Variants in ZNF410 observed in about 807,000 individuals in gnomAD.
The protein encoded by ZNF410 is zinc finger protein 410, also known as another partner for ARF 1.
In ZNF410, 18 loss-of-function variants were observed where a neutral mutation model predicts 54.8. That is an observed-to-expected ratio of 0.33 (90% CI 0.23 to 0.49). ZNF410 has a LOEUF of 0.49. Ranked by LOEUF, ZNF410 falls within the 20% of genes least tolerant of loss-of-function variation. ZNF410 has a pLI of 0.99. For synonymous variants in ZNF410, 191 were observed against 207.3 expected (o/e 0.92, Z 0.68); for missense variants, 405 against 569.6 (o/e 0.71, Z 2.94).
At chr14:73,900,492 G>C (rs1234155024) in intron 5 of ZNF410, among the ~76,000 whole-genome samples, 1 of 151,180 alleles carries the variant, frequency 6.6e-6, no homozygotes, top group Non-Finnish European at 1.5e-5. Context: ...CTCTGCCTCA[G>C]CCTCCCGAGT....
intron 3 of ZNF410, chr14:73,896,034 G>A (rs2055312032): frequency 2.5e-6 from 1 of 392,600 alleles, no homozygotes; most frequent in Non-Finnish European, 4.6e-6. Flanking sequence ...GCCTCAAAAA[G>A]GACTAAATTC....
chr14:73,917,078 T>C (rs1240465831), intron 8 of ZNF410, among the ~76,000 whole-genome samples: 1 of 152,262 alleles, frequency 6.6e-6, no homozygotes, highest in Non-Finnish European at 1.5e-5. Flanking sequence ...TGGTTCATGT[T>C]GATAATTCCA....
intron 11 of ZNF410, among the ~76,000 whole-genome samples, chr14:73,926,701 C>A (rs1226393429): frequency 1.3e-5 from 2 of 152,132 alleles, no homozygotes; most frequent in Middle Eastern, 3.4e-3. Flanking sequence ...TCCCAAAGTG[C>A]TGGGATTACA....
At chr14:73,909,840 A>G (rs931312605) in intron 8 of ZNF410, among the ~76,000 whole-genome samples, 11 of 152,252 alleles carry the variant, frequency 7.2e-5, no homozygotes, top group African/African-American at 2.4e-4. Context: ...CCTTCTGAGC[A>G]GGTGTTAGTG....
intron 1 of ZNF410, chr14:73,888,390 A>G (rs1364783959): frequency 1.3e-5 from 2 of 152,188 alleles, no homozygotes; most frequent in African/African-American, 2.4e-5. Flanking sequence ...AGTGTCATTC[A>G]TTCATTATAC....
chr14:73,902,369 G>A (rs947270769), intron 5 of ZNF410: 3 of 152,082 alleles, frequency 2.0e-5, no homozygotes, highest in Non-Finnish European at 4.4e-5. Flanking sequence ...CACTGCGCCT[G>A]GCCCTGATAT....
chr14:73,896,616 A>T, intron 4 of ZNF410, 82 bp downstream of exon 4: 1 of 1,059,878 alleles, frequency 9.4e-7, no homozygotes, highest in Non-Finnish European at 1.4e-6. Context: ...GTCATACTTA[A>T]AATAGAAAGA....
intron 11 of ZNF410, among the ~76,000 whole-genome samples, chr14:73,929,754 C>T (rs559730541): frequency 6.6e-5 from 10 of 151,676 alleles, no homozygotes; most frequent in African/African-American, 2.4e-4. Context: ...GAAGTTGAGG[C>T]TGTAGTGAGC....
intron 8 of ZNF410, among the ~76,000 whole-genome samples, chr14:73,912,760 A>G (rs2055604031): frequency 2.0e-5 from 3 of 152,172 alleles, no homozygotes; most frequent in Non-Finnish European, 4.4e-5. Context: ...TTCAAATGAA[A>G]TGTTTTCTTG....
At chr14:73,898,592 ATACT>A (rs2055358698) in intron 5 of ZNF410, 2 of 434,348 alleles carry the variant, frequency 4.6e-6, no homozygotes, top group African/African-American at 2.0e-5. Context: ...TAAACTTCAT[ATACT>A]TAGAGCTCTT....
chr14:73,887,695 T>C (rs1566647318), intron 1 of ZNF410, among the ~76,000 whole-genome samples: 2 of 152,116 alleles, frequency 1.3e-5, no homozygotes, highest in Admixed American at 6.5e-5. Context: ...AAGTCGGGCA[T>C]TTTGTTAGGG....
At position 73,918,766 on chromosome 14, in the gene ZNF410, T is replaced by C. The variant is rs1033760233; in HGVS notation, c.1004-2214T>C. The stretch of plus-strand genomic sequence containing the variant: ...CAGGCTGGAGTGCAGTGGCGTGATG[T>C]CGGCTCACTGCAAGCTCTGCCTCCT... On this transcript the variant is annotated intron_variant, in intron 8 of 11. Coordinates refer to ENST00000555044, the MANE Select transcript of ZNF410 (RefSeq NM_021188.3). Among the ~76,000 whole-genome samples the C allele has an allele frequency of 3.5e-5, 5 of 142,628 alleles. No individual in the cohort carries two copies. The Admixed American group carries it at 3.8e-4, about 11-fold the overall frequency. The allele number at this position is 142,628 out of a possible 152,430, so 93.6% of individuals were successfully genotyped here. A position where few individuals can be genotyped will look rare whatever the true frequency, so the allele number is the denominator to read the frequency against.
intron 1 of ZNF410, among the ~76,000 whole-genome samples, chr14:73,891,514 C>T (rs1356573737): frequency 1.3e-5 from 2 of 152,088 alleles, no homozygotes; most frequent in African/African-American, 4.8e-5. Context: ...CGACCATGCT[C>T]AGCTAATTTT....
chr14:73,889,977 A>G (rs2055202423), intron 1 of ZNF410, among the ~76,000 whole-genome samples: 1 of 151,546 alleles, frequency 6.6e-6, no homozygotes, highest in African/African-American at 2.4e-5. Context: ...TTTGTATTTT[A>G]GTTGAGACGG....
At chr14:73,893,737 A>G (rs767787126) in intron 2 of ZNF410, 60 bp from the exon 3 acceptor site, 2 of 1,531,174 alleles carry the variant, frequency 1.3e-6, no homozygotes, top group South Asian at 2.6e-5. Flanking sequence ...TGGTAAATTC[A>G]AAGGTTTAGA....
At chr14:73,896,704 T>G in intron 4 of ZNF410, 170 bp downstream of exon 4, 9 of 600,558 alleles carry the variant, frequency 1.5e-5, no homozygotes, top group Non-Finnish European at 1.2e-5. Context: ...GGGAGGACTC[T>G]AGTATGACTC....
intron 1 of ZNF410, among the ~76,000 whole-genome samples, chr14:73,887,757 A>G (rs937249499): frequency 6.6e-6 from 1 of 152,228 alleles, no homozygotes; most frequent in Non-Finnish European, 1.5e-5. Context: ...GTAAAAGACA[A>G]CTAAAGTAGC....
chr14:73,910,428 T>C (rs7152383), intron 8 of ZNF410, among the ~76,000 whole-genome samples: 46,416 of 152,016 alleles, frequency 0.31, 9,040 homozygotes, highest in Non-Finnish European at 0.42. Context: ...GTGAGGATTA[T>C]TGATGAATAA....
chr14:73,892,100 A>G lies in ZNF410; in HGVS notation c.-76A>G. On this transcript the variant is annotated 5_prime_UTR_variant, in exon 2 of 12. Coordinates refer to ENST00000555044, the MANE Select transcript of ZNF410 (RefSeq NM_021188.3). ...TATTTCCTAGAGGAATATGAACATA[A>G]CAGGAAGGTATCATTGGCTCTGAAT... is the stretch of plus-strand genomic sequence containing the variant. 2.1e-6 allele frequency: 3 copies of G among 1,453,670 alleles called. No individual in the cohort carries two copies. Among genetic ancestry groups the G allele is most frequent in the Non-Finnish European group, 2.9e-6 (3 of 1,033,894 alleles). 90.0% of individuals were successfully genotyped at this position (1,453,670 alleles called of 1,614,324 possible).
Sources: allele counts gnomAD v4.1 joint callset (sites outside exome capture counted in the v4.1 genomes callset), GRCh38; gene constraint gnomAD v4.1.1; transcripts MANE v1.5; gene names NCBI Gene and HGNC (gene_info 2026-07-23, HGNC 2026-07-21).